Variants in ZNF892 observed in about 807,000 individuals in gnomAD.
The protein encoded by ZNF892 is zinc finger protein 570-like.
chr2:95,243,140 G>A, the ZNF892 span, among the ~76,000 whole-genome samples: 3 of 152,180 alleles, frequency 2.0e-5, no homozygotes, highest in East Asian at 1.9e-4. Context: ...ACGGAGTCTC[G>A]TTCACTCAGT....
the ZNF892 span, among the ~76,000 whole-genome samples, chr2:95,250,980 AAT>A: frequency 1.1e-4 from 16 of 148,110 alleles, no homozygotes; most frequent in Non-Finnish European, 2.1e-4. Flanking sequence ...TATATAAAAA[AAT>A]AAATGCTTAT....
At chr2:95,239,759 C>T in the ZNF892 span, among the ~76,000 whole-genome samples, 1 of 152,168 alleles carries the variant, frequency 6.6e-6, no homozygotes, top group Non-Finnish European at 1.5e-5. Context: ...TCCCTAGTAG[C>T]TGGGATTACA....
chr2:95,242,046 G>A, the ZNF892 span, among the ~76,000 whole-genome samples: 1 of 152,174 alleles, frequency 6.6e-6, no homozygotes, highest in Non-Finnish European at 1.5e-5. Flanking sequence ...AAGAGATAGA[G>A]AGAATGGAAC....
chr2:95,208,201 G>C, the ZNF892 span, among the ~76,000 whole-genome samples: 7 of 152,084 alleles, frequency 4.6e-5, no homozygotes, highest in Non-Finnish European at 1.0e-4. Flanking sequence ...ATCCTGTTTT[G>C]TTTTTGGTGG....
chr2:95,238,744 G>A, the ZNF892 span, among the ~76,000 whole-genome samples: 1 of 152,202 alleles, frequency 6.6e-6, no homozygotes, highest in Non-Finnish European at 1.5e-5. Context: ...GAGTTTGGAA[G>A]AAGCTGATTT....
chr2:95,260,469 C>T, the ZNF892 span, among the ~76,000 whole-genome samples: 1 of 152,202 alleles, frequency 6.6e-6, no homozygotes, highest in Non-Finnish European at 1.5e-5. Context: ...TTCTTTGTCT[C>T]CCCTTCTTAT....
At chr2:95,206,893 TAA>T in the ZNF892 span, among the ~76,000 whole-genome samples, 2 of 152,170 alleles carry the variant, frequency 1.3e-5, no homozygotes, top group Admixed American at 6.5e-5. Context: ...GCTAGGTGAT[TAA>T]AGAGACAAGC....
At chr2:95,235,023 A>T in the ZNF892 span, among the ~76,000 whole-genome samples, 1 of 152,074 alleles carries the variant, frequency 6.6e-6, no homozygotes, top group South Asian at 2.1e-4. Flanking sequence ...ATTGAACTGA[A>T]TTGGAGGTCA....
At chr2:95,223,438 C>T in the ZNF892 span, among the ~76,000 whole-genome samples, 1 of 152,072 alleles carries the variant, frequency 6.6e-6, no homozygotes, top group Non-Finnish European at 1.5e-5. Flanking sequence ...CTCTCTCACC[C>T]AGGCTGGAGT....
the ZNF892 span, among the ~76,000 whole-genome samples, chr2:95,249,231 A>ATATT: frequency 7.0e-5 from 4 of 57,090 alleles, no homozygotes; most frequent in East Asian, 5.2e-4. Context: ...ATATATATAT[A>ATATT]TTTTTTTTTT....
the ZNF892 span, among the ~76,000 whole-genome samples, chr2:95,233,313 C>T: frequency 6.6e-6 from 1 of 151,690 alleles, no homozygotes. Context: ...AATCCTCCCA[C>T]CTCAGCCTCC....
chr2:95,238,024 A>C, the ZNF892 span, among the ~76,000 whole-genome samples: 1 of 152,270 alleles, frequency 6.6e-6, no homozygotes, highest in Non-Finnish European at 1.5e-5. Context: ...AGATGAAAGC[A>C]GCCAGTGCTG....
At chr2:95,235,659 C>T in the ZNF892 span, among the ~76,000 whole-genome samples, 1 of 152,194 alleles carries the variant, frequency 6.6e-6, no homozygotes, top group Non-Finnish European at 1.5e-5. Flanking sequence ...CCACGCCCGG[C>T]CCCAGTAAAC....
the ZNF892 span, among the ~76,000 whole-genome samples, chr2:95,254,402 G>C: frequency 3.3e-5 from 5 of 152,188 alleles, no homozygotes; most frequent in Non-Finnish European, 7.4e-5. Flanking sequence ...TGCATATGTT[G>C]AACCAGGCTT....
At chr2:95,229,101 A>G in the ZNF892 span, among the ~76,000 whole-genome samples, 1 of 152,078 alleles carries the variant, frequency 6.6e-6, no homozygotes, top group African/African-American at 2.4e-5. Context: ...TCTTCCTAAA[A>G]TGTGTAAAAC....
the ZNF892 span, among the ~76,000 whole-genome samples, chr2:95,255,988 T>G: frequency 7.2e-5 from 11 of 152,306 alleles, no homozygotes; most frequent in Admixed American, 6.5e-4. Flanking sequence ...CACTTGAGAT[T>G]GGTTTCCTGA....
the ZNF892 span, among the ~76,000 whole-genome samples, chr2:95,257,389 G>A: frequency 6.6e-6 from 1 of 152,196 alleles, no homozygotes; most frequent in East Asian, 1.9e-4. Flanking sequence ...ACAGCAGATA[G>A]TGGTAAACAG....
At chr2:95,226,493 T>A in the ZNF892 span, among the ~76,000 whole-genome samples, 5 of 152,202 alleles carry the variant, frequency 3.3e-5, no homozygotes, top group Admixed American at 1.3e-4. Context: ...TGTCCTACTT[T>A]GGTTCGACTT....
At chr2:95,216,406 C>G in the ZNF892 span, among the ~76,000 whole-genome samples, 3 of 152,112 alleles carry the variant, frequency 2.0e-5, no homozygotes, top group Non-Finnish European at 4.4e-5. Context: ...TGTGTTCAAA[C>G]TGTTTTAAGT....
Sources: gnomAD v4.1 joint callset for allele counts (sites outside exome capture counted in the v4.1 genomes callset) on GRCh38, gnomAD v4.1.1 for gene constraint, MANE v1.5 for transcripts, NCBI Gene and HGNC (gene_info 2026-07-23, HGNC 2026-07-21) for gene names.